Variants in FAM13C observed in about 807,000 individuals in gnomAD.
FAM13C encodes the protein family with sequence similarity 13 member C, also known as protein FAM13C.
A neutral mutation model predicts 73.2 loss-of-function variants in FAM13C; 37 were observed. The ratio of observed to expected loss-of-function variants is 0.51; its 90% confidence interval spans 0.39 to 0.67. The LOEUF is 0.67. Among genes scored for constraint, FAM13C ranks in the 30% least tolerant of loss-of-function variants. The pLI, the probability that FAM13C is intolerant of heterozygous loss-of-function variation, is 0.00. For synonymous variants in FAM13C, 246 were observed against 260.9 expected (o/e 0.94, Z 0.55); for missense variants, 589 against 715.6 (o/e 0.82, Z 2.02).
chr10:59,314,887 A>G lies in FAM13C; in HGVS notation c.443+9101T>C, dbSNP rs187135614. Among the ~76,000 whole-genome samples, 391 of 152,334 alleles carry G rather than the reference A, an allele frequency of 2.6e-3. 7 individuals carry two copies. In the South Asian group the frequency reaches 0.032, roughly 12 times the overall value. On this transcript the variant is annotated intron_variant, in intron 4 of 13. Transcript: ENST00000618804. ...TATGATACAAATTATGGCTTTAAAC[A>G]TTATTTAAACCTATAAAATCATCTG...
chr10:59,354,013 A>G (rs1257984288), intron 2 of FAM13C, among the ~76,000 whole-genome samples: 3 of 152,208 alleles, frequency 2.0e-5, no homozygotes, highest in African/African-American at 7.2e-5. Context: ...TTTTCTCACT[A>G]GAAACCCATC....
At chr10:59,298,783 C>T (rs112305116) in intron 5 of FAM13C, among the ~76,000 whole-genome samples, 8 of 152,274 alleles carry the variant, frequency 5.3e-5, no homozygotes, top group African/African-American at 1.9e-4. Context: ...TTCCTTATTC[C>T]ATCCCTGATG....
At chr10:59,281,857 G>A (rs574742712) in intron 6 of FAM13C, among the ~76,000 whole-genome samples, 2 of 152,320 alleles carry the variant, frequency 1.3e-5, no homozygotes, top group South Asian at 4.1e-4. Flanking sequence ...AACTTGTATA[G>A]TTAATCCAAA....
At position 59,270,116 on chromosome 10, in the gene FAM13C, A is replaced by C; in HGVS notation, c.593-7T>G. On this transcript the variant is annotated splice_region_variant and splice_polypyrimidine_tract_variant and intron_variant, in intron 6 of 13. Transcript: ENST00000618804. ...TTGTGGACTGGTGAGGGGTCTGGGC[A>C]AATGAGACAAATCATCAAGACTTAG... 1 of 1,610,858 alleles carries C rather than the reference A, an allele frequency of 6.2e-7. No individual in the cohort carries two copies.
At chr10:59,323,153 C>G (rs996786150) in intron 4 of FAM13C, 2 of 152,232 alleles carry the variant, frequency 1.3e-5, no homozygotes, top group African/African-American at 2.4e-5. Flanking sequence ...AAGCACAGCC[C>G]TCCCTTTCCA....
intron 9 of FAM13C, 22 bp from the exon 10 acceptor site, chr10:59,262,667 A>C: frequency 1.3e-6 from 2 of 1,597,658 alleles, no homozygotes; most frequent in Non-Finnish European, 1.7e-6. Flanking sequence ...GCTATGAGTT[A>C]TCATAAGCAA....
chr10:59,362,656 G>T, upstream of FAM13C: 1 of 1,293,950 alleles, frequency 7.7e-7, no homozygotes, highest in Non-Finnish European at 1.0e-6. Context: ...AAGCCCGGCA[G>T]CCCGCGAGGC....
intron 3 of FAM13C, among the ~76,000 whole-genome samples, chr10:59,341,072 T>G (rs1346821722): frequency 1.3e-5 from 2 of 152,062 alleles, no homozygotes; most frequent in African/African-American, 2.4e-5. Flanking sequence ...AAGCACCACA[T>G]TCACTGATTT....
chr10:59,347,177 T>C (rs1224861140), intron 3 of FAM13C, among the ~76,000 whole-genome samples: 2 of 152,196 alleles, frequency 1.3e-5, no homozygotes, highest in Non-Finnish European at 2.9e-5. Flanking sequence ...GGGGGCATTC[T>C]TGCATTGCCT....
intron 6 of FAM13C, among the ~76,000 whole-genome samples, chr10:59,280,320 CT>C (rs1714819218): frequency 6.6e-6 from 1 of 152,144 alleles, no homozygotes; most frequent in African/African-American, 2.4e-5. Flanking sequence ...CAATTTTTCC[CT>C]AAGGGCCCTC....
intron 4 of FAM13C, among the ~76,000 whole-genome samples, chr10:59,309,127 A>T (rs1848636455): frequency 1.3e-5 from 2 of 152,248 alleles, no homozygotes; most frequent in South Asian, 4.1e-4. Context: ...GACAACGGAC[A>T]GCTATCTAAC....
At chr10:59,255,717 CAT>C (rs908346249) in intron 10 of FAM13C, among the ~76,000 whole-genome samples, 8 of 152,128 alleles carry the variant, frequency 5.3e-5, no homozygotes, top group Non-Finnish European at 1.0e-4. Flanking sequence ...ATGTCTCAAA[CAT>C]GTGTTACACT....
intron 2 of FAM13C, among the ~76,000 whole-genome samples, chr10:59,354,537 T>C (rs769610284): frequency 3.3e-5 from 5 of 152,162 alleles, no homozygotes; most frequent in Admixed American, 6.5e-5. Context: ...ACTTCACCTC[T>C]ATGATCCTCA....
chr10:59,350,895 T>C (rs1854950364), intron 3 of FAM13C, among the ~76,000 whole-genome samples: 1 of 152,162 alleles, frequency 6.6e-6, no homozygotes, highest in Non-Finnish European at 1.5e-5. Flanking sequence ...AAAGTTAACA[T>C]CTAAATGTTA....
chr10:59,271,328 T>C lies in FAM13C; in HGVS notation c.593-1219A>G, dbSNP rs149081312. Among the ~76,000 whole-genome samples the C allele has an allele frequency of 2.3e-3, 354 of 152,370 alleles. 5 individuals are homozygous for C. Among genetic ancestry groups the C allele is most frequent in the Admixed American group, 0.021 (315 of 15,306 alleles). On this transcript the variant is annotated intron_variant, in intron 6 of 13. Coordinates refer to ENST00000618804, the MANE Select transcript of FAM13C (RefSeq NM_198215.4). ...AGATTTAGAGTGGCTCCTTGTTCTC[T>C]AGAGCTTGAAATGCAATCTGCTTTG...
intron 6 of FAM13C, 129 bp downstream of exon 6, chr10:59,283,234 G>T: frequency 1.1e-6 from 1 of 930,624 alleles, no homozygotes; most frequent in Non-Finnish European, 1.7e-6. Context: ...CAACTCAGAA[G>T]CACCTCTTGG....
At chr10:59,305,101 CA>C (rs1848113739) in intron 4 of FAM13C, among the ~76,000 whole-genome samples, 1 of 152,158 alleles carries the variant, frequency 6.6e-6, no homozygotes, top group Admixed American at 6.5e-5. Context: ...TATGAAGCCT[CA>C]GGTATTCTGC....
At chr10:59,317,047 T>C (rs573411872) in intron 4 of FAM13C, among the ~76,000 whole-genome samples, 14 of 152,228 alleles carry the variant, frequency 9.2e-5, no homozygotes, top group Middle Eastern at 6.8e-3. Context: ...TGTTTTAACC[T>C]AGCATTAATA....
In FAM13C at chr10:59,336,869, A is replaced by G. The variant is rs73299255; in HGVS notation, c.325-12763T>C. Among the ~76,000 whole-genome samples, 1,508 of 152,294 alleles carry G rather than the reference A, an allele frequency of 9.9e-3. 35 individuals carry two copies. The highest frequency in any genetic ancestry group is 0.034 in the African/African-American group (1,418 of 41,560). On this transcript the variant is annotated intron_variant, in intron 3 of 13. Transcript: ENST00000618804. ...TTAGGATGGAATCCAAGGCCCTTACAATCCAGCCTCTACAAACTTCCTGTC... is the reference window on the plus strand; with the variant it reads ...TTAGGATGGAATCCAAGGCCCTTACGATCCAGCCTCTACAAACTTCCTGTC...
Sources: gnomAD v4.1 joint callset for allele counts (sites outside exome capture counted in the v4.1 genomes callset) on GRCh38, gnomAD v4.1.1 for gene constraint, MANE v1.5 for transcripts, NCBI Gene and HGNC (gene_info 2026-07-23, HGNC 2026-07-21) for gene names.